MPND: variants seen among roughly 807,000 people sequenced by gnomAD.
The protein encoded by MPND is MPN domain containing.
Under a neutral mutation model 59.2 loss-of-function variants are expected in MPND, and 56 were observed. That is an observed-to-expected ratio of 0.95 (90% CI 0.76 to 1.18). The LOEUF (loss-of-function observed/expected upper bound fraction) is 1.18, where lower values mean the gene tolerates loss of function less well. MPND is among the 50% of genes most tolerant of loss of function. MPND has a pLI of 0.00. For synonymous variants in MPND, 323 were observed against 291.9 expected, an observed-to-expected ratio of 1.11 and a Z score of -1.09; for missense variants, 671 against 676.0, an observed-to-expected ratio of 0.99 and a Z score of 0.08.
In MPND at chr19:4,357,747, G is replaced by C. The variant is rs1386989258; in HGVS notation, c.1236+162G>C. 8.3e-6 allele frequency: 6 copies of C among 721,766 alleles called. No individual in the cohort carries two copies. In the East Asian group the frequency reaches 1.4e-4, roughly 16 times the overall value. The allele number at this position is 721,766 out of a possible 1,614,324, so 44.7% of individuals were successfully genotyped here. Reference sequence around the variant, plus strand: ...TGACTGCTGCCCTGCCCATATTTTGGTGAGGTCCTGGGCGTGGGGCCTCCG... The same window carrying C: ...TGACTGCTGCCCTGCCCATATTTTGCTGAGGTCCTGGGCGTGGGGCCTCCG... On this transcript the variant is annotated intron_variant, in intron 10 of 12. Transcript: ENST00000599840.
chr19:4,355,126 C>A lies in MPND; in HGVS notation c.949C>A (p.Arg317=). 6.2e-7 allele frequency: 1 copy of A among 1,613,710 alleles called. No individual in the cohort carries two copies. The highest frequency in any genetic ancestry group is 8.5e-7 in the Non-Finnish European group (1 of 1,180,002). ...MLTVLRAFPC[R]SRLGDAETAA... is the part of the protein sequence containing the mutation. ...GACGGTGCTCAGAGCCTTCCCTTGT[C>A]GGAGCCGGCTCGGGGACGCAGAGAC... The change falls in exon 8 of 13, where the codon CGG becomes AGG. Residue 317 remains arginine, a synonymous_variant. Transcript: ENST00000599840.
chr19:4,345,869 A>C lies in MPND; in HGVS notation c.419A>C (p.Lys140Thr), dbSNP rs1199143793. 1.5e-5 allele frequency: 24 copies of C among 1,614,084 alleles called. No individual in the cohort carries two copies. Among genetic ancestry groups the C allele is most frequent in the Non-Finnish European group, 1.9e-5 (23 of 1,180,022 alleles). Reference sequence around the variant, plus strand: ...AAGAAGCTGGTGAACCCTGCCAAGAAGTCGGGCTGTGGCTGGGCCTCTGTC... The same window carrying C: ...AAGAAGCTGGTGAACCCTGCCAAGACGTCGGGCTGTGGCTGGGCCTCTGTC... ...HCKKLVNPAK[K>T]SGCGWASVKY... The change falls in exon 3 of 13, where the codon AAG (lysine) becomes ACG (threonine). Residue 140 changes from lysine to threonine, a missense_variant. Lys to Thr is a moderately conservative substitution (Grantham distance 78, BLOSUM62 -1). Coordinates refer to ENST00000599840, the MANE Select transcript of MPND (RefSeq NM_001300862.2).
chr19:4,346,862 T>A (rs373170775), intron 3 of MPND, among the ~76,000 whole-genome samples: 1 of 152,086 alleles, frequency 6.6e-6, no homozygotes, highest in South Asian at 2.1e-4. Flanking sequence ...AAACCCCGTC[T>A]CTACTAAAAA....
intron 3 of MPND, among the ~76,000 whole-genome samples, chr19:4,346,497 A>G (rs1972189132): frequency 6.6e-6 from 1 of 151,812 alleles, no homozygotes; most frequent in Admixed American, 6.6e-5. Context: ...GGCTCACTAC[A>G]GCCTTCACCT....
Position 4,354,457 on chromosome 19 carries a change from G to A in MPND, c.846+37G>A, listed in dbSNP as rs372226495. ...ACCCTGTCTAGGGGCAAGGGGCTCC[G>A]GAGCCCAGTCGGTGGGCAGCGGGCG... is the stretch of plus-strand genomic sequence containing the variant. On this transcript the variant is annotated intron_variant, in intron 6 of 12. Transcript: ENST00000599840. 134 of 1,529,262 alleles carry A rather than the reference G, an allele frequency of 8.8e-5. 1 individual carries two copies. Among genetic ancestry groups the A allele is most frequent in the Non-Finnish European group, 4.5e-5 (51 of 1,127,124 alleles). The allele number at this position is 1,529,262 out of a possible 1,614,324, so 94.7% of individuals were successfully genotyped here.
chr19:4,350,028 C>CA (rs79127761), intron 3 of MPND, among the ~76,000 whole-genome samples: 4 of 148,012 alleles, frequency 2.7e-5, no homozygotes, highest in Non-Finnish European at 4.4e-5. Context: ...AAGCAGAGGG[C>CA]AAAAAAAGTC....
Position 4,352,898 on chromosome 19 carries a change from G to T in MPND, c.533G>T (p.Ser178Ile), listed in dbSNP as rs373702170. ...GTCCCTGACCCCTAACCCCTGCAGAGCCCAGCCAGTGAAGGGGAGGAGGAG... is the reference window on the plus strand; with the variant it reads ...GTCCCTGACCCCTAACCCCTGCAGATCCCAGCCAGTGAAGGGGAGGAGGAG... ...LHTPATAADE[S>I]PASEGEEEEL... The change falls in exon 4 of 13, where the codon AGC (serine) becomes ATC (isoleucine). Residue 178 changes from serine to isoleucine, a missense_variant and splice_region_variant. Physicochemically the swap from Ser to Ile is moderately radical, Grantham distance 142 (BLOSUM62 -2). Transcript: ENST00000599840. 4 of 1,383,248 alleles carry T rather than the reference G, an allele frequency of 2.9e-6. No homozygotes were observed. Among genetic ancestry groups the T allele is most frequent in the Non-Finnish European group, 3.8e-6 (4 of 1,059,824 alleles). The allele number at this position is 1,383,248 out of a possible 1,614,324, so 85.7% of individuals were successfully genotyped here.
chr19:4,350,623 G>C (rs577544512), intron 3 of MPND, among the ~76,000 whole-genome samples: 2 of 152,316 alleles, frequency 1.3e-5, no homozygotes, highest in South Asian at 4.1e-4. Flanking sequence ...CTGGAGTCCT[G>C]AGCAAGTGGG....
chr19:4,357,918 G>T, intron 10 of MPND, 165 bp from the exon 11 acceptor site: 1 of 633,054 alleles, frequency 1.6e-6, no homozygotes, highest in Non-Finnish European at 2.8e-6. Flanking sequence ...CCACAGTAAG[G>T]ATGCTACACT....
intron 3 of MPND, among the ~76,000 whole-genome samples, chr19:4,349,677 A>AT (rs1333278802): frequency 1.3e-5 from 2 of 151,772 alleles, no homozygotes. Flanking sequence ...TGCCCAGTTA[A>AT]TTTTTGTATT....
Position 4,357,501 on chromosome 19 carries a change from C to T in MPND, c.1166-14C>T. 6.2e-7 allele frequency: 1 copy of T among 1,612,456 alleles called. No homozygotes were observed. Among genetic ancestry groups the T allele is most frequent in the Non-Finnish European group, 8.5e-7 (1 of 1,179,344 alleles). On this transcript the variant is annotated splice_polypyrimidine_tract_variant and intron_variant, in intron 9 of 12. Transcript: ENST00000599840. ...AGCCTCCCAGGGCCAACCCCTCTCCCTCTCTCCCGCCAGCCCCTTACTATT... is the reference window on the plus strand; with the variant it reads ...AGCCTCCCAGGGCCAACCCCTCTCCTTCTCTCCCGCCAGCCCCTTACTATT...
At chr19:4,348,401 C>T (rs1169191261) in intron 3 of MPND, among the ~76,000 whole-genome samples, 3 of 150,814 alleles carry the variant, frequency 2.0e-5, no homozygotes, top group Admixed American at 6.7e-5. Flanking sequence ...GCTGGGATTA[C>T]AGGCACACAC....
In MPND at chr19:4,343,616, C is replaced by T. The variant is rs902144476; in HGVS notation, c.7+16C>T. 3.3e-5 allele frequency: 31 copies of T among 945,778 alleles called. No individual in the cohort carries two copies. Among genetic ancestry groups the T allele is most frequent in the African/African-American group, 9.7e-5 (5 of 51,774 alleles). 58.6% of individuals were successfully genotyped at this position (945,778 alleles called of 1,614,324 possible). A position where few individuals can be genotyped will look rare whatever the true frequency, so the allele number is the denominator to read the frequency against. ...GCCATGGCAGGTACGGCGGGCCCAG[C>T]GGGGCGGAGGCGCGGGGCGCGGGGC... On this transcript the variant is annotated intron_variant, in intron 1 of 12. Transcript: ENST00000599840.
chr19:4,357,760 C>A, intron 10 of MPND, 175 bp downstream of exon 10: 1 of 658,250 alleles, frequency 1.5e-6, no homozygotes, highest in Non-Finnish European at 2.6e-6. Flanking sequence ...AGGTCCTGGG[C>A]GTGGGGCCTC....
chr19:4,357,243 C>G lies in MPND; in HGVS notation c.997-10C>G. ...CCCCTGTGCCCGCTGAGCTGCGCCT[C>G]TGTCCCCAGATCTACCAGAGCCTGT... On this transcript the variant is annotated splice_polypyrimidine_tract_variant and intron_variant, in intron 8 of 12. Transcript: ENST00000599840. 1 of 1,580,994 alleles carries G rather than the reference C, an allele frequency of 6.3e-7. No homozygotes were observed. Among genetic ancestry groups the G allele is most frequent in the Non-Finnish European group, 8.6e-7 (1 of 1,162,498 alleles).
At chr19:4,355,567 C>T (rs1972420567) in intron 8 of MPND, among the ~76,000 whole-genome samples, 3 of 152,144 alleles carry the variant, frequency 2.0e-5, no homozygotes, top group Admixed American at 2.0e-4. Context: ...GATCCCCTGA[C>T]CTCGTGATCT....
chr19:4,359,814 A>G (rs1266499671), intron 12 of MPND, 102 bp from the exon 13 acceptor site: 2 of 900,370 alleles, frequency 2.2e-6, no homozygotes, highest in African/African-American at 1.7e-5. Flanking sequence ...CCTCGGTCTC[A>G]GGGGGGCTCA....
chr19:4,360,031 G>A lies in MPND; in HGVS notation c.*29G>A. The A allele has an allele frequency of 6.5e-7, 1 of 1,536,854 alleles. No homozygotes were observed. Among genetic ancestry groups the A allele is most frequent in the South Asian group, 1.2e-5 (1 of 83,676 alleles). The stretch of plus-strand genomic sequence containing the variant: ...TTCCAGGGCAGGGTGGGCTCCAGTT[G>A]TCTTGAGGGTCCGGATGGGCTCAGG... On this transcript the variant is annotated 3_prime_UTR_variant, in exon 13 of 13. Transcript: ENST00000599840.
rs1386214687 is a variant in MPND, at chr19:4,358,125, G to A, written c.1279G>A (p.Ala427Thr). ...TGGCATCCCCATGGATGTGGAGATG[G>A]CCTACGTCCAGGACAGCTTCCTGAC... The part of the protein sequence containing the change: ...DYGIPMDVEM[A>T]YVQDSFLTND... Residue 427 changes from alanine (A) to threonine (T), a missense_variant, in exon 11 of 13, where the codon GCC becomes ACC. Coordinates refer to ENST00000599840, the MANE Select transcript of MPND (RefSeq NM_001300862.2). 10 of 1,551,378 alleles carry A rather than the reference G, an allele frequency of 6.4e-6. No individual in the cohort carries two copies. The highest frequency in any genetic ancestry group is 8.7e-6 in the Non-Finnish European group (10 of 1,146,980).
Sources: gnomAD v4.1 joint callset for allele counts (sites outside exome capture counted in the v4.1 genomes callset) on GRCh38, gnomAD v4.1.1 for gene constraint, MANE v1.5 for transcripts, NCBI Gene and HGNC (gene_info 2026-07-23, HGNC 2026-07-21) for gene names.